RBFOX1: variants seen among roughly 807,000 people sequenced by gnomAD.
RBFOX1 encodes the protein RNA binding fox-1 homolog 1.
A neutral mutation model predicts 57.7 loss-of-function variants in RBFOX1; 8 were observed. The ratio of observed to expected loss-of-function variants is 0.14; its 90% CI spans 0.08 to 0.25. The LOEUF (loss-of-function observed/expected upper bound fraction) is 0.25, where lower values mean the gene tolerates loss of function less well. Among genes scored for constraint, RBFOX1 ranks in the 10% least tolerant of loss-of-function variants. The pLI, the probability that RBFOX1 is intolerant of heterozygous loss-of-function variation, is 1.00. For missense variants in RBFOX1, 611 were observed against 548.5 expected (o/e 1.11, Z -1.14); for synonymous variants, 326 against 222.4 (o/e 1.47, Z -4.15).
intron 4 of RBFOX1, among the ~76,000 whole-genome samples, chr16:7,182,671 A>G (rs1327048852): frequency 6.6e-6 from 1 of 151,684 alleles, no homozygotes; most frequent in African/African-American, 2.4e-5. Flanking sequence ...GAAGAGCGGC[A>G]GGAAGTACGA....
intron 5 of RBFOX1, among the ~76,000 whole-genome samples, chr16:7,577,391 C>A (rs1478293052): frequency 2.6e-5 from 4 of 152,202 alleles, no homozygotes; most frequent in Non-Finnish European, 5.9e-5. Flanking sequence ...TCCACACATA[C>A]TCTCCTGAAT....
chr16:7,700,751 G>GT (rs959322600), intron 14 of RBFOX1, among the ~76,000 whole-genome samples: 1 of 152,154 alleles, frequency 6.6e-6, no homozygotes, highest in African/African-American at 2.4e-5. Context: ...TACTTACTGT[G>GT]TCTTCTCTAC....
intron 5 of RBFOX1, among the ~76,000 whole-genome samples, chr16:7,568,931 T>C (rs917024720): frequency 2.8e-4 from 40 of 145,446 alleles, no homozygotes; most frequent in African/African-American, 9.6e-4. Flanking sequence ...TGTCTGGGAA[T>C]GCAGCCCAGT....
At chr16:7,176,659 C>G (rs993385233) in intron 4 of RBFOX1, among the ~76,000 whole-genome samples, 1 of 152,020 alleles carries the variant, frequency 6.6e-6, no homozygotes, top group Admixed American at 6.6e-5. Context: ...AATGTTTGCC[C>G]CTTTACTGGA....
intron 4 of RBFOX1, among the ~76,000 whole-genome samples, chr16:7,432,976 T>C (rs2098693992): frequency 1.3e-5 from 2 of 152,224 alleles, no homozygotes; most frequent in African/African-American, 2.4e-5. Flanking sequence ...CTCTGCAGCT[T>C]CTGTGGAGGG....
intron 4 of RBFOX1, among the ~76,000 whole-genome samples, chr16:7,310,657 T>G (rs900094963): frequency 6.6e-6 from 1 of 152,206 alleles, no homozygotes; most frequent in Non-Finnish European, 1.5e-5. Flanking sequence ...ACTTAATATT[T>G]TTTAAAATTA....
intron 4 of RBFOX1, among the ~76,000 whole-genome samples, chr16:7,267,901 A>T (rs1483221622): frequency 2.6e-5 from 4 of 152,176 alleles, no homozygotes; most frequent in Admixed American, 6.5e-5. Flanking sequence ...TTGTTGAGTC[A>T]GAAGCACTTC....
intron 1 of RBFOX1, among the ~76,000 whole-genome samples, chr16:6,045,093 G>A (rs2095481383): frequency 6.6e-6 from 1 of 152,182 alleles, no homozygotes; most frequent in Non-Finnish European, 1.5e-5. Context: ...TCAGACCAAC[G>A]GAACTAAAGC....
chr16:6,137,807 C>G (rs960614525), intron 1 of RBFOX1, among the ~76,000 whole-genome samples: 9 of 151,914 alleles, frequency 5.9e-5, no homozygotes, highest in African/African-American at 1.9e-4. Flanking sequence ...CAGGTTCCCA[C>G]TATGTTGTCC....
chr16:5,821,130 G>A (rs2055838029), intron 3 of RBFOX1, among the ~76,000 whole-genome samples: 1 of 152,056 alleles, frequency 6.6e-6, no homozygotes, highest in South Asian at 2.1e-4. Flanking sequence ...GCTCAGGCAG[G>A]ACAAAGGCTC....
At chr16:6,261,378 G>C (rs1000104649) in intron 1 of RBFOX1, among the ~76,000 whole-genome samples, 3 of 152,164 alleles carry the variant, frequency 2.0e-5, no homozygotes, top group Non-Finnish European at 4.4e-5. Flanking sequence ...TACCAAAATA[G>C]TACGTCAAAG....
rs373671346 is a variant in RBFOX1, at chr16:6,817,001, G to A, written c.-16+162351G>A. On this transcript the variant is annotated intron_variant, in intron 3 of 15. Coordinates refer to ENST00000550418, the MANE Select transcript of RBFOX1 (RefSeq NM_018723.4). ...GTGCTCAAGCGATCCCACTGCCTCT[G>A]CCTCCCAAAGTGCTGAGATGGCAGG... Among the ~76,000 whole-genome samples, 7 of 152,186 alleles carry A rather than the reference G, an allele frequency of 4.6e-5. No homozygotes were observed. The South Asian group carries it at 1.2e-3, about 27-fold the overall frequency.
intron 3 of RBFOX1, among the ~76,000 whole-genome samples, chr16:6,723,470 T>C (rs1009112975): frequency 6.6e-6 from 1 of 152,210 alleles, no homozygotes; most frequent in Non-Finnish European, 1.5e-5. Flanking sequence ...TTATGTATTA[T>C]AGTTTTGATC....
intron 4 of RBFOX1, among the ~76,000 whole-genome samples, chr16:7,370,243 A>T (rs1456618276): frequency 1.3e-5 from 2 of 152,180 alleles, no homozygotes; most frequent in Non-Finnish European, 2.9e-5. Context: ...GTGGCCATTG[A>T]TTGAGAACTA....
At chr16:7,609,039 C>T (rs1234435096) in intron 10 of RBFOX1, among the ~76,000 whole-genome samples, 1 of 152,118 alleles carries the variant, frequency 6.6e-6, no homozygotes, top group Non-Finnish European at 1.5e-5. Flanking sequence ...TGGGATGCAT[C>T]TTTGTGCAAA....
intron 4 of RBFOX1, among the ~76,000 whole-genome samples, chr16:7,396,370 AT>A (rs1326752415): frequency 2.0e-5 from 3 of 152,128 alleles, no homozygotes; most frequent in African/African-American, 7.2e-5. Flanking sequence ...AATGAGAACA[AT>A]TTCAGAGCTA....
intron 2 of RBFOX1, among the ~76,000 whole-genome samples, chr16:5,555,878 G>A (rs1209450453): frequency 5.3e-5 from 8 of 152,022 alleles, no homozygotes; most frequent in South Asian, 2.1e-4. Context: ...AAAATTAGCC[G>A]GTCGTGGTGG....
chr16:7,254,764 A>G (rs956591820), intron 4 of RBFOX1, among the ~76,000 whole-genome samples: 12 of 152,266 alleles, frequency 7.9e-5, no homozygotes, highest in African/African-American at 2.6e-4. Context: ...CTGAAGCATT[A>G]TTGCTCATAC....
chr16:5,548,659 T>TA (rs202126612), intron 2 of RBFOX1, among the ~76,000 whole-genome samples: 68 of 150,864 alleles, frequency 4.5e-4, no homozygotes, highest in African/African-American at 1.1e-3. Flanking sequence ...TGATTAAAAA[T>TA]AAAAAAAAAC....
Sources: gnomAD v4.1 joint callset for allele counts (sites outside exome capture counted in the v4.1 genomes callset) on GRCh38, gnomAD v4.1.1 for gene constraint, MANE v1.5 for transcripts, NCBI Gene and HGNC (gene_info 2026-07-23, HGNC 2026-07-21) for gene names.